The following ATP8B2 variants were observed in gnomAD, a reference collection of about 807,000 sequenced individuals.
The protein encoded by ATP8B2 is ATPase phospholipid transporting 8B2, also known as phospholipid-transporting ATPase ID.
ATP8B2 carries 70 observed loss-of-function variants against 133.4 expected under a neutral mutation model. The ratio of observed to expected loss-of-function variants is 0.52; its 90% CI spans 0.43 to 0.64. The LOEUF (loss-of-function observed/expected upper bound fraction) is 0.64. Among genes scored for constraint, ATP8B2 ranks in the 30% least tolerant of loss-of-function variants. The probability of loss-of-function intolerance (pLI) is 0.00; values close to 1 mark genes in which losing one functional copy is unlikely to be tolerated. For synonymous variants in ATP8B2, 517 were observed against 589.5 expected, an observed-to-expected ratio of 0.88 and a Z score of 1.78; for missense variants, 1,101 against 1,535.7, an observed-to-expected ratio of 0.72 and a Z score of 4.73.
intron 9 of ATP8B2, among the ~76,000 whole-genome samples, chr1:154,333,476 C>T (rs1175433744): frequency 2.0e-5 from 3 of 148,312 alleles, no homozygotes; most frequent in East Asian, 2.0e-4. Context: ...TGCACTCCAG[C>T]GTGGGCAACA....
chr1:154,331,396 C>T lies in ATP8B2; in HGVS notation c.304-48C>T, dbSNP rs781109173. 5.7e-6 allele frequency: 9 copies of T among 1,591,992 alleles called. No individual in the cohort carries two copies. The Admixed American group carries it at 1.0e-4, about 18-fold the overall frequency. The stretch of plus-strand genomic sequence containing the variant: ...CTGAGTTCTACTGATCAACGAATTC[C>T]TTCGAGGCGGGGGAAGGTGTCTTAC... On this transcript the variant is annotated intron_variant, in intron 5 of 27. Transcript: ENST00000368489. The surrounding 1 kb of genome is among the most constrained non-coding windows in gnomAD (Gnocchi z 4.8).
In ATP8B2 at chr1:154,343,049, C is replaced by A; in HGVS notation, c.1454-64C>A. On this transcript the variant is annotated intron_variant, in intron 15 of 27. Transcript: ENST00000368489. This position sits in a 1 kb window ranked among gnomAD's most constrained non-coding sequence, Gnocchi z 5.8. ...CTGCAATGCGGCTGGGCTGGGGCTTCCTGGGCGGGGCACGTGGCTGAGGGA... is the reference window on the plus strand; with the variant it reads ...CTGCAATGCGGCTGGGCTGGGGCTTACTGGGCGGGGCACGTGGCTGAGGGA... 1.3e-6 allele frequency: 2 copies of A among 1,595,276 alleles called. No individual in the cohort carries two copies. The highest frequency in any genetic ancestry group is 1.7e-6 in the Non-Finnish European group (2 of 1,169,486).
At position 154,328,389 on chromosome 1, in the gene ATP8B2, G is replaced by T. The variant is rs1248383902; in HGVS notation, c.31+217G>T. ...GGACAGCGCAGAGCACCAGCCCCAC[G>T]CCCCGAAACACCTGCAGTCTTATCT... On this transcript the variant is annotated intron_variant, in intron 2 of 27. Coordinates refer to ENST00000368489, the MANE Select transcript of ATP8B2 (RefSeq NM_001370597.1). The surrounding 1 kb of genome is among the most constrained non-coding windows in gnomAD (Gnocchi z 4.6). Among the ~76,000 whole-genome samples the T allele has an allele frequency of 1.3e-5, 2 of 152,176 alleles. No individual in the cohort carries two copies. The highest frequency in any genetic ancestry group is 4.8e-5 in the African/African-American group (2 of 41,438).
At position 154,328,161 on chromosome 1, in the gene ATP8B2, A is replaced by C; in HGVS notation, c.20A>C (p.Lys7Thr). 2 of 1,613,940 alleles carry C rather than the reference A, an allele frequency of 1.2e-6. No individual in the cohort carries two copies. Among genetic ancestry groups the C allele is most frequent in the Non-Finnish European group, 1.7e-6 (2 of 1,179,948 alleles). Residue 7 changes from lysine to threonine, a missense_variant, in exon 2 of 28, where the codon AAG becomes ACG. Transcript: ENST00000368489. This position sits in a 1 kb window ranked among gnomAD's most constrained non-coding sequence, Gnocchi z 4.6. ...GGTGAGATGGCAGTGTGTGCAAAAA[A>C]GCGCCCCCCAGGTAAGACAGGCAAG... MAVCAK[K>T]RPPEEERRAR...
At position 154,343,668 on chromosome 1, in the gene ATP8B2, C is replaced by T. The variant is rs1024957361; in HGVS notation, c.1758+100C>T. 1.0e-5 allele frequency: 12 copies of T among 1,196,654 alleles called. No individual in the cohort carries two copies. The highest frequency in any genetic ancestry group is 2.5e-5 in the East Asian group (1 of 40,440). The allele number at this position is 1,196,654 out of a possible 1,614,324, so 74.1% of individuals were successfully genotyped here. A position where few individuals can be genotyped will look rare whatever the true frequency, so the allele number is the denominator to read the frequency against. On this transcript the variant is annotated intron_variant, in intron 17 of 27. Coordinates refer to ENST00000368489, the MANE Select transcript of ATP8B2 (RefSeq NM_001370597.1). The surrounding 1 kb of genome is among the most constrained non-coding windows in gnomAD (Gnocchi z 5.8). ...TATTGTGTAAATTTAAGGTCTACAA[C>T]GTGATGTTTTGATGTGTATATATAG...
chr1:154,346,535 G>C lies in ATP8B2; in HGVS notation c.3024+59G>C. ...GGAAGGAGTGAGCCTTCTGTCCCTG[G>C]GGCTGCCCTGGGCACCACAGTTCTG... On this transcript the variant is annotated intron_variant, in intron 25 of 27. Transcript: ENST00000368489. The surrounding 1 kb of genome is among the most constrained non-coding windows in gnomAD (Gnocchi z 4.5). The C allele has an allele frequency of 1.2e-6, 2 of 1,606,208 alleles. No individual in the cohort carries two copies. The highest frequency in any genetic ancestry group is 1.7e-6 in the Non-Finnish European group (2 of 1,175,302).
In ATP8B2 at chr1:154,344,246, ACAAG is replaced by A. The variant is rs1686501542; in HGVS notation, c.2032_2035del (p.Gln678ArgfsTer4). 6.2e-7 allele frequency: 1 copy of A among 1,614,186 alleles called. No individual in the cohort carries two copies. The highest frequency in any genetic ancestry group is 8.5e-7 in the Non-Finnish European group (1 of 1,180,030). On this transcript the variant is annotated frameshift_variant, in exon 19 of 28. Coordinates refer to ENST00000368489, the MANE Select transcript of ATP8B2 (RefSeq NM_001370597.1). LOFTEE classifies it high-confidence loss of function. The surrounding 1 kb of genome is among the most constrained non-coding windows in gnomAD (Gnocchi z 4.1). ...ATCAAGATTTGGGTGCTAACCGGAGACAAGCAAGGTGAGAGCCCAGCAGGGCAGA... is the reference window on the plus strand; with the variant it reads ...ATCAAGATTTGGGTGCTAACCGGAGACAAGGTGAGAGCCCAGCAGGGCAGA...
Position 154,351,228 on chromosome 1 carries a change from A to T in ATP8B2, c.*2110A>T, listed in dbSNP as rs2149180208. The T allele has an allele frequency of 6.6e-6, 1 of 152,464 alleles. No homozygotes were observed. The highest frequency in any genetic ancestry group is 2.1e-4 in the South Asian group (1 of 4,830). The allele number at this position is 152,464 out of a possible 1,614,324, so 9.4% of individuals were successfully genotyped here. A position where few individuals can be genotyped will look rare whatever the true frequency, so the allele number is the denominator to read the frequency against. On this transcript the variant is annotated 3_prime_UTR_variant, in exon 28 of 28. Coordinates refer to ENST00000368489, the MANE Select transcript of ATP8B2 (RefSeq NM_001370597.1). ...TAAGGAACATTATAATTTATGACAC[A>T]TTTCTATACTTGCAAAAATTATATC... is the stretch of plus-strand genomic sequence containing the variant.
chr1:154,331,774 C>T lies in ATP8B2; in HGVS notation c.438+96C>T. 7.1e-7 allele frequency: 1 copy of T among 1,416,838 alleles called. No individual in the cohort carries two copies. Among genetic ancestry groups the T allele is most frequent in the Non-Finnish European group, 1.0e-6 (1 of 1,002,522 alleles). The allele number at this position is 1,416,838 out of a possible 1,614,324, so 87.8% of individuals were successfully genotyped here. A position where few individuals can be genotyped will look rare whatever the true frequency, so the allele number is the denominator to read the frequency against. ...CTGATTTACTGTTGCCTCTTAAACACCCGTGGCAGGAATCTTTCTCACACC... is the reference window on the plus strand; with the variant it reads ...CTGATTTACTGTTGCCTCTTAAACATCCGTGGCAGGAATCTTTCTCACACC... On this transcript the variant is annotated intron_variant, in intron 7 of 27. Transcript: ENST00000368489. The surrounding 1 kb of genome is among the most constrained non-coding windows in gnomAD (Gnocchi z 4.8).
chr1:154,344,057 G>C lies in ATP8B2; in HGVS notation c.1923G>C (p.Met641Ile). Reference protein sequence around the residue: ...SIYEEVENNMMLLGATAIEDK... With the variant: ...SIYEEVENNMILLGATAIEDK... ...ATGAGGAGGTTGAGAACAACATGAT[G>C]GTACGGGCTGCGGGACGGGCCAAGG... Residue 641 changes from methionine to isoleucine, a missense_variant and splice_region_variant, in exon 18 of 28, where the codon ATG (methionine) becomes ATC (isoleucine). Met to Ile is a conservative substitution (Grantham distance 10). Coordinates refer to ENST00000368489, the MANE Select transcript of ATP8B2 (RefSeq NM_001370597.1). This position sits in a 1 kb window ranked among gnomAD's most constrained non-coding sequence, Gnocchi z 4.1. 3 of 1,613,952 alleles carry C rather than the reference G, an allele frequency of 1.9e-6. No individual in the cohort carries two copies. The highest frequency in any genetic ancestry group is 2.5e-6 in the Non-Finnish European group (3 of 1,179,822).
chr1:154,339,616 T>C (rs1686307390), intron 12 of ATP8B2, among the ~76,000 whole-genome samples: 1 of 152,208 alleles, frequency 6.6e-6, no homozygotes, highest in Admixed American at 6.5e-5. Context: ...AGCAGTTTTC[T>C]TTCTGAGTCT....
rs774409466 is a variant in ATP8B2, at chr1:154,344,534, C to T, written c.2141+34C>T. 8.1e-6 allele frequency: 13 copies of T among 1,613,764 alleles called. No individual in the cohort carries two copies. In the East Asian group the frequency reaches 8.9e-5, roughly 11 times the overall value. Reference sequence around the variant, plus strand: ...GAAGCCCAGGGGAGGCGGTGCTGTGCGTTGTGCCCAGGGCTCAGGTGGGGG... The same window carrying T: ...GAAGCCCAGGGGAGGCGGTGCTGTGTGTTGTGCCCAGGGCTCAGGTGGGGG... On this transcript the variant is annotated intron_variant, in intron 20 of 27. Coordinates refer to ENST00000368489, the MANE Select transcript of ATP8B2 (RefSeq NM_001370597.1). The surrounding 1 kb of genome is among the most constrained non-coding windows in gnomAD (Gnocchi z 4.1).
intron 27 of ATP8B2, 32 bp downstream of exon 27, chr1:154,348,570 A>G: frequency 6.2e-7 from 1 of 1,608,214 alleles, no homozygotes; most frequent in Non-Finnish European, 8.5e-7. Flanking sequence ...TGTGGGAGGC[A>G]GAGATGGGGT....
Position 154,331,504 on chromosome 1 carries a change from A to G in ATP8B2, c.364A>G (p.Ile122Val). 1 of 1,614,138 alleles carries G rather than the reference A, an allele frequency of 6.2e-7. No individual in the cohort carries two copies. The highest frequency in any genetic ancestry group is 8.5e-7 in the Non-Finnish European group (1 of 1,179,978). Residue 122 changes from isoleucine (I) to valine (V), a missense_variant and splice_region_variant, in exon 6 of 28, where the codon ATC (isoleucine) becomes GTC (valine). Coordinates refer to ENST00000368489, the MANE Select transcript of ATP8B2 (RefSeq NM_001370597.1). The surrounding 1 kb of genome is among the most constrained non-coding windows in gnomAD (Gnocchi z 4.8). ...NRQSQVLING[I>V]LQQEQWMNVC... ...CCAGTCTCAGGTGCTGATCAATGGA[A>G]TGTGAGTGCCTGTTGGAGACAAGAG...
In ATP8B2 at chr1:154,346,658, C is replaced by T. The variant is rs777330905; in HGVS notation, c.3063C>T (p.His1021=). ...CAGGCTACTGGACGGCCATCAACCA[C>T]TTCTTCATCTGGGGAAGCCTTGCTG... The part of the protein sequence containing the change: ...LDTGYWTAIN[H]FFIWGSLAVY... The change falls in exon 26 of 28, where the codon CAC becomes CAT. Residue 1021 remains histidine (H), a synonymous_variant. Transcript: ENST00000368489. The surrounding 1 kb of genome is among the most constrained non-coding windows in gnomAD (Gnocchi z 4.5). The T allele has an allele frequency of 6.2e-7, 1 of 1,614,228 alleles. No homozygotes were observed. Among genetic ancestry groups the T allele is most frequent in the East Asian group, 2.2e-5 (1 of 44,886 alleles).
chr1:154,343,833 C>T lies in ATP8B2; in HGVS notation c.1759-60C>T, dbSNP rs564040630. On this transcript the variant is annotated intron_variant, in intron 17 of 27. Transcript: ENST00000368489. The surrounding 1 kb of genome is among the most constrained non-coding windows in gnomAD (Gnocchi z 5.8). Reference sequence around the variant, plus strand: ...CAGTGCAGGATTATTCATTGTCGCCCTCACGCTGTCCATTAGCTCTCCAGA... The same window carrying T: ...CAGTGCAGGATTATTCATTGTCGCCTTCACGCTGTCCATTAGCTCTCCAGA... 57 of 1,541,598 alleles carry T rather than the reference C, an allele frequency of 3.7e-5. 1 individual carries two copies. In the East Asian group the frequency reaches 1.2e-3, roughly 33 times the overall value.
Position 154,348,987 on chromosome 1 carries a change from C to T in ATP8B2, c.3442C>T (p.Arg1148Trp), listed in dbSNP as rs1477795979. The change falls in exon 28 of 28, where the codon CGG (arginine) becomes TGG (tryptophan). Residue 1148 changes from arginine to tryptophan, a missense_variant. Coordinates refer to ENST00000368489, the MANE Select transcript of ATP8B2 (RefSeq NM_001370597.1). ...GCTCATCATGTCTGGCAAGAACATG[C>T]GGCTGAGCTCTCTCGCGCTCTCCAG... Reference protein sequence around the residue: ...GELIMSGKNMRLSSLALSSFT... With the variant: ...GELIMSGKNMWLSSLALSSFT... 1.1e-5 allele frequency: 18 copies of T among 1,614,128 alleles called. No individual in the cohort carries two copies. The highest frequency in any genetic ancestry group is 3.3e-5 in the South Asian group (3 of 91,092).
chr1:154,333,172 G>A (rs1371641576), intron 9 of ATP8B2, among the ~76,000 whole-genome samples: 2 of 152,042 alleles, frequency 1.3e-5, no homozygotes, highest in African/African-American at 4.8e-5. Flanking sequence ...TATTAGCTGG[G>A]CGTGGTGCTG....
At chr1:154,341,246 AG>A in intron 13 of ATP8B2, 184 bp downstream of exon 13, 1 of 686,344 alleles carries the variant, frequency 1.5e-6, no homozygotes, top group Non-Finnish European at 2.6e-6. Context: ...GCACTTTGGG[AG>A]GCTGAGGTGG....
Sources: allele counts gnomAD v4.1 joint callset (sites outside exome capture counted in the v4.1 genomes callset), GRCh38; gene constraint gnomAD v4.1.1; non-coding constraint Gnocchi (gnomAD v3.1); transcripts MANE v1.5; gene names NCBI Gene and HGNC (gene_info 2026-07-23, HGNC 2026-07-21).